Variants in NDST4 observed in about 807,000 individuals in gnomAD.
NDST4 encodes the protein N-heparan sulfate sulfotransferase 4.
NDST4 carries 63 observed loss-of-function variants against 100.8 expected under a neutral mutation model. That is an observed-to-expected ratio of 0.62 (90% CI 0.51 to 0.77). The LOEUF is 0.77. NDST4 is among the 30% of genes least tolerant of loss of function. The probability of loss-of-function intolerance (pLI) is 0.00; values close to 1 mark genes in which losing one functional copy is unlikely to be tolerated. For missense variants in NDST4, 943 were observed against 1,018.4 expected, an observed-to-expected ratio of 0.93 and a Z score of 1.01; for synonymous variants, 377 against 361.8, an observed-to-expected ratio of 1.04 and a Z score of -0.48.
intron 1 of NDST4, among the ~76,000 whole-genome samples, chr4:115,108,090 AGATT>A (rs1231153379): frequency 1.3e-5 from 2 of 152,098 alleles, no homozygotes; most frequent in Non-Finnish European, 2.9e-5. Context: ...TATTAGTGAA[AGATT>A]GATTGAGAAA....
chr4:115,079,703 T>C (rs1380852126), intron 1 of NDST4, among the ~76,000 whole-genome samples: 1 of 152,196 alleles, frequency 6.6e-6, no homozygotes, highest in Non-Finnish European at 1.5e-5. Flanking sequence ...ACACTGTGGA[T>C]ATTTTATGGA....
intron 4 of NDST4, among the ~76,000 whole-genome samples, chr4:114,961,513 A>T (rs2126236443): frequency 6.6e-6 from 1 of 152,124 alleles, no homozygotes; most frequent in East Asian, 1.9e-4. Flanking sequence ...TGGAGACAAC[A>T]CTATTGACCT....
At chr4:115,092,691 T>C (rs1443190377) in intron 1 of NDST4, among the ~76,000 whole-genome samples, 1 of 152,164 alleles carries the variant, frequency 6.6e-6, no homozygotes, top group Admixed American at 6.5e-5. Flanking sequence ...TTGTAGTTTC[T>C]AGTGAAACCA....
chr4:115,097,650 T>C (rs1411851796), intron 1 of NDST4, among the ~76,000 whole-genome samples: 1 of 152,168 alleles, frequency 6.6e-6, no homozygotes, highest in East Asian at 1.9e-4. Context: ...TTGCTCCACA[T>C]CATTTTTTTC....
At chr4:114,900,688 T>C (rs1187711816) in intron 6 of NDST4, among the ~76,000 whole-genome samples, 1 of 152,196 alleles carries the variant, frequency 6.6e-6, no homozygotes, top group African/African-American at 2.4e-5. Flanking sequence ...TTTGTGAAGA[T>C]ACATTCTATA....
chr4:115,100,330 CTT>C (rs2126297852), intron 1 of NDST4, among the ~76,000 whole-genome samples: 1 of 152,056 alleles, frequency 6.6e-6, no homozygotes, highest in African/African-American at 2.4e-5. Context: ...AATCTGTGGA[CTT>C]GGGGTGATAA....
At chr4:115,031,167 C>A (rs758580125) in intron 2 of NDST4, among the ~76,000 whole-genome samples, 2 of 152,042 alleles carry the variant, frequency 1.3e-5, no homozygotes, top group African/African-American at 4.8e-5. Context: ...AACTCCCCAG[C>A]CCAGATTTAA....
intron 11 of NDST4, among the ~76,000 whole-genome samples, chr4:114,835,211 T>C (rs111421407): frequency 0.02 from 3,040 of 152,288 alleles, 116 homozygotes; most frequent in African/African-American, 0.07. Flanking sequence ...ATTATGATGT[T>C]AGAGTGTTGA....
chr4:114,841,413 GT>G (rs913528155), intron 10 of NDST4, among the ~76,000 whole-genome samples: 8 of 152,158 alleles, frequency 5.3e-5, no homozygotes, highest in Non-Finnish European at 1.0e-4. Context: ...GTGGAGCAGT[GT>G]GGGGCCCTGC....
At chr4:114,893,693 C>T (rs1288652612) in intron 6 of NDST4, among the ~76,000 whole-genome samples, 3 of 152,040 alleles carry the variant, frequency 2.0e-5, no homozygotes, top group Non-Finnish European at 4.4e-5. Flanking sequence ...TTTAGGTTGC[C>T]TATTCACTCT....
rs527379422 is a variant in NDST4, at chr4:114,937,407, C to T, written c.1318G>A (p.Val440Ile). The T allele has an allele frequency of 8.1e-6, 13 of 1,613,994 alleles. No homozygotes were observed. The highest frequency in any genetic ancestry group is 7.7e-5 in the South Asian group (7 of 91,064). ...HIQLYAAWKK[V>I]WGIQVTSTEE... Reference sequence around the variant, plus strand: ...GTGCTGGTGACTTGAATACCCCAGACCTTCTTCCAAGCTGCATACAGCTGA... The same window carrying T: ...GTGCTGGTGACTTGAATACCCCAGATCTTCTTCCAAGCTGCATACAGCTGA... Residue 440 changes from valine to isoleucine, a missense_variant, in exon 5 of 14, where the codon GTC (valine) becomes ATC (isoleucine). Transcript: ENST00000264363.
intron 6 of NDST4, among the ~76,000 whole-genome samples, chr4:114,878,708 T>C (rs1724307080): frequency 6.6e-6 from 1 of 152,110 alleles, no homozygotes; most frequent in South Asian, 2.1e-4. Context: ...GATGCCCAAA[T>C]GAGTCGAGGT....
intron 6 of NDST4, among the ~76,000 whole-genome samples, chr4:114,891,354 T>C (rs1001039954): frequency 5.9e-5 from 9 of 152,082 alleles, no homozygotes; most frequent in Admixed American, 5.9e-4. Flanking sequence ...TAGTGCTACA[T>C]TTGCAATCTG....
chr4:115,067,658 C>G (rs1728978583), intron 2 of NDST4, among the ~76,000 whole-genome samples: 2 of 151,734 alleles, frequency 1.3e-5, no homozygotes. Flanking sequence ...CATATTTTGA[C>G]TGGAATTTTT....
intron 2 of NDST4, among the ~76,000 whole-genome samples, chr4:115,012,173 C>A (rs1727564191): frequency 6.6e-6 from 1 of 151,746 alleles, no homozygotes; most frequent in Non-Finnish European, 1.5e-5. Flanking sequence ...ATCAATGATC[C>A]CATCATAAAA....
rs576333951 is a variant in NDST4, at chr4:114,833,741, A to T, written c.2287-26T>A. On this transcript the variant is annotated intron_variant, in intron 11 of 13. Coordinates refer to ENST00000264363, the MANE Select transcript of NDST4 (RefSeq NM_022569.3). ...CTGTAAAGTCAGAAATAGTCACTTT[A>T]TGAAGAAAAAAATTAAATTGAATAG... The T allele has an allele frequency of 4.6e-5, 69 of 1,486,736 alleles. No individual in the cohort carries two copies. The South Asian group carries it at 7.3e-4, about 16-fold the overall frequency. The allele number at this position is 1,486,736 out of a possible 1,614,324, so 92.1% of individuals were successfully genotyped here.
intron 3 of NDST4, among the ~76,000 whole-genome samples, chr4:114,974,868 A>G (rs1726594875): frequency 6.6e-6 from 1 of 152,122 alleles, no homozygotes; most frequent in African/African-American, 2.4e-5. Flanking sequence ...TCATTATTAC[A>G]CTGGGCCTAT....
chr4:115,015,998 G>C (rs371729738), intron 2 of NDST4, among the ~76,000 whole-genome samples: 2 of 152,102 alleles, frequency 1.3e-5, no homozygotes, highest in African/African-American at 2.4e-5. Flanking sequence ...AGACATTCTG[G>C]ATATGGATTT....
At chr4:114,829,761 G>T in intron 13 of NDST4, 29 bp downstream of exon 13, 1 of 1,520,662 alleles carries the variant, frequency 6.6e-7, no homozygotes, top group Non-Finnish European at 8.9e-7. Flanking sequence ...ATTTTTGCTA[G>T]AGTAATTCAA....
Sources: allele counts gnomAD v4.1 joint callset (sites outside exome capture counted in the v4.1 genomes callset), GRCh38; gene constraint gnomAD v4.1.1; transcripts MANE v1.5; gene names NCBI Gene and HGNC (gene_info 2026-07-23, HGNC 2026-07-21).